LINS1: variants seen among roughly 807,000 people sequenced by gnomAD.
LINS1 encodes the protein protein Lines homolog 1.
Under a neutral mutation model 41.6 loss-of-function variants are expected in LINS1, and 27 were observed. The ratio of observed to expected loss-of-function variants is 0.65; its 90% CI spans 0.48 to 0.89. The LOEUF (loss-of-function observed/expected upper bound fraction) is 0.89, where lower values mean the gene tolerates loss of function less well. LINS1 is among the 40% of genes least tolerant of loss of function. The pLI, the probability that LINS1 is intolerant of heterozygous loss-of-function variation, is 0.00. For synonymous variants in LINS1, 336 were observed against 312.9 expected, an observed-to-expected ratio of 1.07 and a Z score of -0.78; for missense variants, 955 against 884.1, an observed-to-expected ratio of 1.08 and a Z score of -1.02.
At chr15:100,572,134 A>G in intron 5 of LINS1, 69 bp from the exon 6 acceptor site, 2 of 1,590,002 alleles carry the variant, frequency 1.3e-6, no homozygotes, top group East Asian at 2.3e-5. Context: ...GCCTATATAT[A>G]AATTCATAGT....
intron 1 of LINS1, among the ~76,000 whole-genome samples, chr15:100,600,576 G>T (rs2039445641): frequency 2.4e-5 from 1 of 41,884 alleles, no homozygotes; most frequent in South Asian, 6.2e-4. Flanking sequence ...AAAAAACAGG[G>T]AGAAATCATG....
rs749995848 is a variant in LINS1, at chr15:100,569,823, A to T, written c.1689T>A (p.Leu563=). 6.2e-7 allele frequency: 1 copy of T among 1,614,192 alleles called. No homozygotes were observed. Among genetic ancestry groups the T allele is most frequent in the East Asian group, 2.2e-5 (1 of 44,892 alleles). ...TTTGGTTGGAGCTTTGGTCTTGGAC[A>T]AGTGAGGGGACACAGCCACAAATAC... ...DISICGCVPS[L]VQDQSSNQTI... Residue 563 remains leucine (L), a synonymous_variant, in exon 7 of 7, where the codon CTT becomes CTA. Transcript: ENST00000314742.
chr15:100,586,844 C>T (rs573250783), intron 1 of LINS1, among the ~76,000 whole-genome samples: 1 of 152,154 alleles, frequency 6.6e-6, no homozygotes, highest in Non-Finnish European at 1.5e-5. Flanking sequence ...AGCTCTTAGT[C>T]TTGATTAAAA....
rs1022984922 is a variant in LINS1 at position 100,584,543 on chromosome 15, G to C, written c.-103-3598C>G. Among the ~76,000 whole-genome samples the C allele has an allele frequency of 1.1e-4, 17 of 151,420 alleles. 1 individual carries two copies. Among genetic ancestry groups the C allele is most frequent in the Admixed American group, 3.3e-4 (5 of 15,162 alleles). Reference sequence around the variant, plus strand: ...AAGGTTTTAAACTTTAAGAAATACAGATTCAAAATCAGCCTTTAGAGACAG... The same window carrying C: ...AAGGTTTTAAACTTTAAGAAATACACATTCAAAATCAGCCTTTAGAGACAG... On this transcript the variant is annotated intron_variant, in intron 1 of 6. Coordinates refer to ENST00000314742, the MANE Select transcript of LINS1 (RefSeq NM_001040616.3).
At chr15:100,582,198 C>T in intron 1 of LINS1, among the ~76,000 whole-genome samples, 1 of 147,448 alleles carries the variant, frequency 6.8e-6, no homozygotes, top group Non-Finnish European at 1.5e-5. Flanking sequence ...GGTCTTCCGT[C>T]TACACTATGG....
At chr15:100,575,623 A>C (rs2038126134) in intron 3 of LINS1, among the ~76,000 whole-genome samples, 1 of 152,212 alleles carries the variant, frequency 6.6e-6, no homozygotes, top group Non-Finnish European at 1.5e-5. Context: ...AACGAGACAG[A>C]AAGTTAACAA....
At chr15:100,583,883 T>C (rs2038680948) in intron 1 of LINS1, among the ~76,000 whole-genome samples, 3 of 152,214 alleles carry the variant, frequency 2.0e-5, no homozygotes, top group African/African-American at 7.2e-5. Flanking sequence ...ACTTACTTTA[T>C]ATTTTAGTTA....
At chr15:100,585,898 T>C (rs753502840) in intron 1 of LINS1, among the ~76,000 whole-genome samples, 7 of 152,254 alleles carry the variant, frequency 4.6e-5, no homozygotes, top group Non-Finnish European at 8.8e-5. Context: ...TCTGGTTTTA[T>C]GTTTGTCTTT....
Position 100,569,489 on chromosome 15 carries a change from GGCTAAA to G in LINS1, c.2017_2022del (p.Phe673_Ser674del). The G allele has an allele frequency of 6.2e-7, 1 of 1,614,178 alleles. No individual in the cohort carries two copies. The highest frequency in any genetic ancestry group is 8.5e-7 in the Non-Finnish European group (1 of 1,180,026). The stretch of plus-strand genomic sequence containing the variant: ...ACCAGAGGCCTTGATGGAGGCTCAA[GGCTAAA>G]TTCTTTTTTATCCCTGCTTGTCCCA... On this transcript the variant is annotated inframe_deletion, in exon 7 of 7. Coordinates refer to ENST00000314742, the MANE Select transcript of LINS1 (RefSeq NM_001040616.3).
Position 100,577,244 on chromosome 15 carries a change from T to A in LINS1, c.490-2116A>T, listed in dbSNP as rs1282068031. ...AAAAGAGGAAGTCAAATTGTCCCTG[T>A]TTGCAGATGACATGATTGTATATCT... On this transcript the variant is annotated intron_variant, in intron 3 of 6. Coordinates refer to ENST00000314742, the MANE Select transcript of LINS1 (RefSeq NM_001040616.3). Among the ~76,000 whole-genome samples the A allele has an allele frequency of 3.9e-5, 6 of 152,314 alleles. No homozygotes were observed. The East Asian group carries it at 1.2e-3, about 29-fold the overall frequency.
chr15:100,575,161 A>G (rs542838516), intron 3 of LINS1, 33 bp from the exon 4 acceptor site: 1 of 1,584,328 alleles, frequency 6.3e-7, no homozygotes, highest in African/African-American at 1.3e-5. Flanking sequence ...AGCAGTTAAA[A>G]TACAATATTT....
intron 3 of LINS1, 43 bp downstream of exon 3, chr15:100,580,220 T>A (rs980203711): frequency 4.2e-6 from 6 of 1,412,348 alleles, no homozygotes; most frequent in Admixed American, 3.6e-5. Context: ...TTAAAAAAAA[T>A]TAAGAAAGAG....
At chr15:100,587,167 A>AC (rs1192448000) in intron 1 of LINS1, among the ~76,000 whole-genome samples, 4 of 148,362 alleles carry the variant, frequency 2.7e-5, no homozygotes, top group African/African-American at 7.5e-5. Context: ...TAAAAAAAAA[A>AC]AAAAAAAAAA....
chr15:100,575,188 C>T (rs772172276), intron 3 of LINS1, 60 bp from the exon 4 acceptor site: 21 of 1,410,720 alleles, frequency 1.5e-5, no homozygotes, highest in Non-Finnish European at 2.1e-5. Flanking sequence ...CATAATACAA[C>T]TGTATACAAC....
chr15:100,572,104 T>A, intron 5 of LINS1, 39 bp from the exon 6 acceptor site: 1 of 1,610,996 alleles, frequency 6.2e-7, no homozygotes, highest in Non-Finnish European at 8.5e-7. Flanking sequence ...GGCAATAGTT[T>A]ATGAATGAAT....
At chr15:100,588,958 C>T (rs957486255) in intron 1 of LINS1, among the ~76,000 whole-genome samples, 3 of 152,168 alleles carry the variant, frequency 2.0e-5, no homozygotes, top group Non-Finnish European at 1.5e-5. Context: ...CTTAACTGTA[C>T]AATTTGCCTG....
intron 1 of LINS1, among the ~76,000 whole-genome samples, chr15:100,581,373 A>C (rs2038533909): frequency 6.6e-6 from 1 of 152,200 alleles, no homozygotes; most frequent in Non-Finnish European, 1.5e-5. Context: ...GACAACCAAA[A>C]AATGTCTGCA....
At chr15:100,589,911 A>G (rs1035353171) in intron 1 of LINS1, among the ~76,000 whole-genome samples, 1 of 152,234 alleles carries the variant, frequency 6.6e-6, no homozygotes, top group Non-Finnish European at 1.5e-5. Context: ...GCTGAGGACA[A>G]TCAACCCCTT....
At chr15:100,597,948 T>C (rs8036913) in intron 1 of LINS1, among the ~76,000 whole-genome samples, 81,485 of 152,164 alleles carry the variant, frequency 0.54, 22,444 homozygotes, top group African/African-American at 0.65. Flanking sequence ...AACACCTGTA[T>C]AACTCAAGTA....
Sources: gnomAD v4.1 joint callset for allele counts (sites outside exome capture counted in the v4.1 genomes callset) on GRCh38, gnomAD v4.1.1 for gene constraint, MANE v1.5 for transcripts, NCBI Gene and HGNC (gene_info 2026-07-23, HGNC 2026-07-21) for gene names.